The following MTUS2 variants were observed in gnomAD, a reference collection of about 807,000 sequenced individuals.
MTUS2 encodes the protein microtubule-associated tumor suppressor candidate 2.
MTUS2 carries 40 observed loss-of-function variants against 114.1 expected under a neutral mutation model. The ratio of observed to expected loss-of-function variants is 0.35; its 90% CI spans 0.27 to 0.46. The LOEUF is 0.46. Ranked by LOEUF, MTUS2 falls within the 20% of genes least tolerant of loss-of-function variation. MTUS2 has a pLI of 1.00. For missense variants in MTUS2, 1,679 were observed against 1,705.4 expected, an observed-to-expected ratio of 0.98 and a Z score of 0.27; for synonymous variants, 688 against 672.0, an observed-to-expected ratio of 1.02 and a Z score of -0.37.
intron 8 of MTUS2, among the ~76,000 whole-genome samples, chr13:29,423,759 C>T (rs1461350360): frequency 2.0e-5 from 3 of 152,042 alleles, no homozygotes; most frequent in Non-Finnish European, 2.9e-5. Flanking sequence ...CCTGTACAAA[C>T]TATATTGCAG....
At chr13:29,036,531 G>T (rs1887082626) in intron 4 of MTUS2, among the ~76,000 whole-genome samples, 1 of 152,132 alleles carries the variant, frequency 6.6e-6, no homozygotes, top group Admixed American at 6.6e-5. Flanking sequence ...AAGTTGGCTT[G>T]GTCCAGAGCT....
intron 4 of MTUS2, among the ~76,000 whole-genome samples, chr13:29,083,519 T>G (rs1889537166): frequency 6.6e-6 from 1 of 152,214 alleles, no homozygotes; most frequent in African/African-American, 2.4e-5. Context: ...TAGCCAAATC[T>G]ATAATAGCAA....
chr13:28,896,902 C>G (rs1879307822), intron 2 of MTUS2, among the ~76,000 whole-genome samples: 1 of 152,156 alleles, frequency 6.6e-6, no homozygotes. Flanking sequence ...AAAATTAATT[C>G]AAGATGGATT....
chr13:29,179,579 T>C (rs1007136343), intron 5 of MTUS2, among the ~76,000 whole-genome samples: 13 of 152,226 alleles, frequency 8.5e-5, no homozygotes, highest in African/African-American at 2.9e-4. Context: ...TGATGCCATG[T>C]GTCCTTAACA....
At chr13:28,829,201 C>T (rs893618890) in intron 1 of MTUS2, among the ~76,000 whole-genome samples, 2 of 152,112 alleles carry the variant, frequency 1.3e-5, no homozygotes, top group African/African-American at 4.8e-5. Context: ...ATTCCCATTC[C>T]TTCATCCGCA....
intron 4 of MTUS2, among the ~76,000 whole-genome samples, chr13:29,081,513 G>A (rs573404053): frequency 1.3e-5 from 2 of 152,086 alleles, no homozygotes; most frequent in East Asian, 3.9e-4. Context: ...AGCATTGTGT[G>A]TTCTGGGAAG....
At chr13:29,225,320 T>C (rs1394338873) in intron 5 of MTUS2, among the ~76,000 whole-genome samples, 1 of 152,242 alleles carries the variant, frequency 6.6e-6, no homozygotes, top group Non-Finnish European at 1.5e-5. Flanking sequence ...GCAGAGGATA[T>C]ACATCATAGT....
At chr13:29,297,829 T>C (rs1899015317) in intron 6 of MTUS2, among the ~76,000 whole-genome samples, 1 of 152,160 alleles carries the variant, frequency 6.6e-6, no homozygotes, top group African/African-American at 2.4e-5. Context: ...GTGATAACAA[T>C]GGAAAGTGTT....
chr13:28,824,257 T>C (rs1874113590), intron 1 of MTUS2, among the ~76,000 whole-genome samples: 1 of 152,264 alleles, frequency 6.6e-6, no homozygotes, highest in African/African-American at 2.4e-5. Context: ...ATTGTAATTC[T>C]TTCTCTGTGC....
intron 5 of MTUS2, among the ~76,000 whole-genome samples, chr13:29,276,918 A>G (rs534224302): frequency 1.3e-3 from 196 of 151,782 alleles, no homozygotes; most frequent in Non-Finnish European, 2.0e-3. Context: ...ATAAATAAAT[A>G]AATGAATAAA....
Position 29,344,551 on chromosome 13 carries a change from T to C in MTUS2, c.2906-14711T>C, listed in dbSNP as rs150087606. 7.6e-3 allele frequency among the ~76,000 whole-genome samples: 1,157 copies of C among 152,252 alleles called. 14 individuals carry two copies. The highest frequency in any genetic ancestry group is 0.027 in the African/African-American group (1,109 of 41,566). On this transcript the variant is annotated intron_variant, in intron 7 of 15. Transcript: ENST00000612955. Reference sequence around the variant, plus strand: ...AGTTTATGTGAGTCCTTATGTGTTGTTAGATGAGTCTCTTGAAGAGAGCAG... The same window carrying C: ...AGTTTATGTGAGTCCTTATGTGTTGCTAGATGAGTCTCTTGAAGAGAGCAG...
intron 2 of MTUS2, among the ~76,000 whole-genome samples, chr13:28,950,313 G>A (rs1477575839): frequency 2.0e-5 from 3 of 152,104 alleles, no homozygotes; most frequent in African/African-American, 4.8e-5. Flanking sequence ...GTTTGTTGTT[G>A]AGCTGTGGAA....
intron 9 of MTUS2, among the ~76,000 whole-genome samples, chr13:29,460,698 C>T (rs991314826): frequency 4.6e-5 from 7 of 152,106 alleles, no homozygotes; most frequent in Non-Finnish European, 8.8e-5. Flanking sequence ...TGTGAACGCA[C>T]GAAGGACTTG....
rs1323033067 is a variant in MTUS2, at chr13:28,820,588, CTTTCT to C, written c.-337_-333del. The C allele has an allele frequency of 6.6e-6, 1 of 152,256 alleles. No individual in the cohort carries two copies. The highest frequency in any genetic ancestry group is 1.9e-4 in the East Asian group (1 of 5,180). 9.4% of individuals were successfully genotyped at this position (152,256 alleles called of 1,614,324 possible). On this transcript the variant is annotated 5_prime_UTR_variant, in exon 1 of 16. An upstream open reading frame in the 5' UTR gains an earlier in-frame stop. Transcript: ENST00000612955. ...AGTGGTGGCCTCTTGGACATTACATCTTTCTTGGCTCTTTTTGACCCAGGTGAGCG... is the reference window on the plus strand; with the variant it reads ...AGTGGTGGCCTCTTGGACATTACATCTGGCTCTTTTTGACCCAGGTGAGCG...
Position 29,324,613 on chromosome 13 carries a change from G to T in MTUS2, c.2807G>T (p.Gly936Val). 1 of 1,574,172 alleles carries T rather than the reference G, an allele frequency of 6.4e-7. No homozygotes were observed. Among genetic ancestry groups the T allele is most frequent in the South Asian group, 1.2e-5 (1 of 85,642 alleles). The change falls in exon 7 of 16, where the codon GGA becomes GTA. Residue 936 changes from glycine to valine, a missense_variant and splice_region_variant. By Grantham distance (109) the Gly-to-Val change is moderately radical. Around this residue, in one of 3 missense-constraint regions of MTUS2, gnomAD observed 822 missense variants for 899.7 expected, o/e 0.91. Transcript: ENST00000612955. ...ATTTCTCTTTTCCAACTATACACAG[G>T]AACAAAGAAAGATGCTCAGAAAGAT... Reference protein sequence around the residue: ...PAPKSTSTPAGTKKDAQKDQD... With the variant: ...PAPKSTSTPAVTKKDAQKDQD...
At chr13:29,283,012 C>T (rs1217212129) in intron 6 of MTUS2, among the ~76,000 whole-genome samples, 1 of 152,164 alleles carries the variant, frequency 6.6e-6, no homozygotes, top group Admixed American at 6.5e-5. Flanking sequence ...GAGTGGGTGG[C>T]ATTGTTTCTA....
intron 4 of MTUS2, among the ~76,000 whole-genome samples, chr13:29,075,831 G>C (rs1339694674): frequency 6.6e-6 from 1 of 152,018 alleles, no homozygotes; most frequent in East Asian, 1.9e-4. Flanking sequence ...TCTTAATTTT[G>C]GTATTATTTA....
chr13:28,820,024 C>T (rs1406585198), upstream of MTUS2, among the ~76,000 whole-genome samples: 1 of 147,102 alleles, frequency 6.8e-6, no homozygotes, highest in Non-Finnish European at 1.5e-5. Flanking sequence ...CCGCCTACCG[C>T]TCGGGCCCGC....
At chr13:29,196,270 C>G (rs1353865821) in intron 5 of MTUS2, among the ~76,000 whole-genome samples, 1 of 151,854 alleles carries the variant, frequency 6.6e-6, no homozygotes, top group Non-Finnish European at 1.5e-5. Context: ...CTAATTTTTG[C>G]AGTTTTAGTA....
Sources: allele counts gnomAD v4.1 joint callset (sites outside exome capture counted in the v4.1 genomes callset), GRCh38; gene constraint gnomAD v4.1.1; regional missense constraint gnomAD v4.1.1; transcripts MANE v1.5; gene names NCBI Gene and HGNC (gene_info 2026-07-23, HGNC 2026-07-21).